Variants in WDR24 observed in about 807,000 individuals in gnomAD.
WDR24 encodes WD repeat domain 24, also known as GATOR2 complex protein WDR24.
A neutral mutation model predicts 66.7 loss-of-function variants in WDR24; 32 were observed. The ratio of observed to expected loss-of-function variants is 0.48; its 90% CI spans 0.36 to 0.64. WDR24 has a LOEUF of 0.64. WDR24 is among the 30% of genes least tolerant of loss of function. WDR24 has a pLI of 0.00. For missense variants in WDR24, 978 were observed against 1,144.1 expected (o/e 0.85, Z 2.09); for synonymous variants, 565 against 469.1 (o/e 1.20, Z -2.64).
At position 685,242 on chromosome 16, in the gene WDR24, C is replaced by T. The variant is rs371024925; in HGVS notation, c.2019+15G>A. The T allele has an allele frequency of 1.3e-6, 2 of 1,593,778 alleles. No individual in the cohort carries two copies. Among genetic ancestry groups the T allele is most frequent in the Admixed American group, 1.7e-5 (1 of 59,668 alleles). ...GGGGCGGCGCTGCAGGGGGGAGGCC[C>T]CGCCCACCACACACCTGGGTCTGCT... is the stretch of plus-strand genomic sequence containing the variant. On this transcript the variant is annotated intron_variant, in intron 7 of 8. Coordinates refer to ENST00000293883, the MANE Select transcript of WDR24 (RefSeq NM_032259.4).
chr16:689,896 C>G lies in WDR24; in HGVS notation c.-256G>C. 1.4e-6 allele frequency: 1 copy of G among 692,362 alleles called. No homozygotes were observed. Among genetic ancestry groups the G allele is most frequent in the Admixed American group, 2.0e-5 (1 of 49,184 alleles). The allele number at this position is 692,362 out of a possible 1,614,324, so 42.9% of individuals were successfully genotyped here. On this transcript the variant is annotated 5_prime_UTR_variant, in exon 1 of 9. Transcript: ENST00000293883. The stretch of plus-strand genomic sequence containing the variant: ...GAGCGGTGAGGGGACTTCCTAGCTT[C>G]CCTTAGGCCTGTCAGTTTCATGTCT...
Position 687,881 on chromosome 16 carries a change from T to C in WDR24, c.482-142A>G, listed in dbSNP as rs1028383286. 3.5e-6 allele frequency: 4 copies of C among 1,156,008 alleles called. No individual in the cohort carries two copies. In the African/African-American group the frequency reaches 6.1e-5, roughly 18 times the overall value. 71.6% of individuals were successfully genotyped at this position (1,156,008 alleles called of 1,614,324 possible). On this transcript the variant is annotated intron_variant, in intron 1 of 8. Coordinates refer to ENST00000293883, the MANE Select transcript of WDR24 (RefSeq NM_032259.4). ...GGGTAGAGTGGACATCCCCAAGATCTGCCCAAGGAAGCAGCCACACAGAGT... is the reference window on the plus strand; with the variant it reads ...GGGTAGAGTGGACATCCCCAAGATCCGCCCAAGGAAGCAGCCACACAGAGT...
chr16:689,823 C>A lies in WDR24; in HGVS notation c.-183G>T. On this transcript the variant is annotated 5_prime_UTR_variant, in exon 1 of 9. Transcript: ENST00000293883. ...TCTATCAGCCAATCAGCCTGACAGG[C>A]AAGCTCAAATTCACTGGAGTCTGTC... 1 of 990,340 alleles carries A rather than the reference C, an allele frequency of 1.0e-6. No individual in the cohort carries two copies. Among genetic ancestry groups the A allele is most frequent in the South Asian group, 1.4e-5 (1 of 69,682 alleles). The allele number at this position is 990,340 out of a possible 1,614,324, so 61.3% of individuals were successfully genotyped here.
chr16:686,192 G>A lies in WDR24; in HGVS notation c.1333-6C>T, dbSNP rs371446007. The A allele has an allele frequency of 7.4e-6, 12 of 1,611,868 alleles. No individual in the cohort carries two copies. The African/African-American group carries it at 1.6e-4, about 22-fold the overall frequency. On this transcript the variant is annotated splice_region_variant and splice_polypyrimidine_tract_variant and intron_variant, in intron 3 of 8. Coordinates refer to ENST00000293883, the MANE Select transcript of WDR24 (RefSeq NM_032259.4). ...ATGGTCCACGTTTGCGCCACCTAGG[G>A]GCGGGCACTGGTCACTTGTGGGCGT...
chr16:684,776 G>T lies in WDR24; in HGVS notation c.2331C>A (p.Ser777=). The T allele has an allele frequency of 6.3e-7, 1 of 1,599,510 alleles. No homozygotes were observed. Among genetic ancestry groups the T allele is most frequent in the African/African-American group, 1.3e-5 (1 of 74,672 alleles). ...GGTGGCCGCAGCCTGCGGGACAGTG[G>T]GAGCTGCCTTCCAGCCACTTCATGA... ...QHIMKWLEGS[S]HCPAGCGHLC... The change falls in exon 9 of 9, where the codon TCC becomes TCA. Residue 777 remains serine, a synonymous_variant. Coordinates refer to ENST00000293883, the MANE Select transcript of WDR24 (RefSeq NM_032259.4).
At position 687,495 on chromosome 16, in the gene WDR24, T is replaced by C. The variant is rs1371091740; in HGVS notation, c.659+67A>G. ...ACCCCCCCGCTCTGCTGCTCCGGAC[T>C]GTCTCATGGATCTGAGGCAGTGAGA... On this transcript the variant is annotated intron_variant, in intron 2 of 8. Coordinates refer to ENST00000293883, the MANE Select transcript of WDR24 (RefSeq NM_032259.4). The C allele has an allele frequency of 3.8e-6, 6 of 1,590,456 alleles. No individual in the cohort carries two copies. The African/African-American group carries it at 8.0e-5, about 21-fold the overall frequency.
rs771791080 is a variant in WDR24 at position 685,826 on chromosome 16, C to A, written c.1573+43G>T. ...GGGCATTCAGGGTCGTCTGGGACAC[C>A]CCCACCCCTCTCCCATCAGCACCCC... On this transcript the variant is annotated intron_variant, in intron 5 of 8. Coordinates refer to ENST00000293883, the MANE Select transcript of WDR24 (RefSeq NM_032259.4). The A allele has an allele frequency of 3.7e-6, 6 of 1,612,858 alleles. No homozygotes were observed. The Admixed American group carries it at 8.3e-5, about 22-fold the overall frequency.
At chr16:685,828 C>T in intron 5 of WDR24, 41 bp downstream of exon 5, 5 of 1,612,966 alleles carry the variant, frequency 3.1e-6, no homozygotes, top group Non-Finnish European at 4.2e-6. Context: ...TGGGACACCC[C>T]CACCCCTCTC....
chr16:689,763 G>T lies in WDR24; in HGVS notation c.-123C>A. On this transcript the variant is annotated 5_prime_UTR_variant, in exon 1 of 9. Coordinates refer to ENST00000293883, the MANE Select transcript of WDR24 (RefSeq NM_032259.4). ...TGGGACCCCAGAACTGCTTGGTCCC[G>T]GGCTGGTCAGTCTTAGTGAGCCAAT... The T allele has an allele frequency of 6.9e-7, 1 of 1,454,322 alleles. No individual in the cohort carries two copies. The allele number at this position is 1,454,322 out of a possible 1,614,324, so 90.1% of individuals were successfully genotyped here.
chr16:689,624 C>T lies in WDR24; in HGVS notation c.17G>A (p.Arg6His), dbSNP rs771356476. Residue 6 changes from arginine (R) to histidine (H), a missense_variant, in exon 1 of 9, where the codon CGT (arginine) becomes CAT (histidine). Coordinates refer to ENST00000293883, the MANE Select transcript of WDR24 (RefSeq NM_032259.4). The stretch of plus-strand genomic sequence containing the variant: ...GCTGCCACCCAGGGCTGTGGTCACA[C>T]GGGACATCTTCTCCATGGCTGCACA... MEKMS[R>H]VTTALGGSVL... 7 of 1,612,280 alleles carry T rather than the reference C, an allele frequency of 4.3e-6. No homozygotes were observed. Among genetic ancestry groups the T allele is most frequent in the Non-Finnish European group, 5.9e-6 (7 of 1,179,664 alleles).
At chr16:687,459 G>A (rs1180911994) in intron 2 of WDR24, 43 bp from the exon 3 acceptor site, 3 of 1,570,712 alleles carry the variant, frequency 1.9e-6, no homozygotes, top group Non-Finnish European at 2.6e-6. Context: ...GGCCTTTCCT[G>A]CAGAGAGGGG....
chr16:687,673 A>G lies in WDR24; in HGVS notation c.548T>C (p.Phe183Ser). The change falls in exon 2 of 9, where the codon TTT becomes TCT. Residue 183 changes from phenylalanine to serine, a missense_variant. Phe to Ser is a radical substitution (Grantham distance 155). Transcript: ENST00000293883. ...CCAGAGCTGCACATTGCCGTTCTCAAAGGTGGAGGCGAAGGTGAAGTAGTC... is the reference window on the plus strand; with the variant it reads ...CCAGAGCTGCACATTGCCGTTCTCAGAGGTGGAGGCGAAGGTGAAGTAGTC... The part of the protein sequence containing the change: ...IRDYFTFAST[F>S]ENGNVQLWDI... The G allele has an allele frequency of 6.2e-7, 1 of 1,613,654 alleles. No homozygotes were observed.
intron 8 of WDR24, 37 bp downstream of exon 8, chr16:684,955 C>T (rs375979254): frequency 1.7e-5 from 26 of 1,536,754 alleles, no homozygotes; most frequent in Non-Finnish European, 2.0e-5. Context: ...GCGCTGCCTG[C>T]AGGCCCCTGC....
In WDR24 at chr16:690,349, A is replaced by C. The variant is rs983047541; in HGVS notation, c.-709T>G. 1 of 456,460 alleles carries C rather than the reference A, an allele frequency of 2.2e-6. No homozygotes were observed. Among genetic ancestry groups the C allele is most frequent in the Middle Eastern group, 3.2e-4 (1 of 3,094 alleles). 28.3% of individuals were successfully genotyped at this position (456,460 alleles called of 1,614,324 possible). ...AGCCCTTCTCCCCCGCGCGAACCCCAATCTTTTACTAAAAGCGCACGGTTG... is the reference window on the plus strand; with the variant it reads ...AGCCCTTCTCCCCCGCGCGAACCCCCATCTTTTACTAAAAGCGCACGGTTG... On this transcript the variant is annotated 5_prime_UTR_variant, in exon 1 of 9. It adds an upstream start codon to the 5' untranslated region. Transcript: ENST00000293883.
At chr16:687,452 C>G (rs746250206) in intron 2 of WDR24, 36 bp from the exon 3 acceptor site, 3 of 1,570,866 alleles carry the variant, frequency 1.9e-6, no homozygotes, top group East Asian at 4.5e-5. Flanking sequence ...CCTCAGTGGC[C>G]TTTCCTGCAG....
Position 687,299 on chromosome 16 carries a change from C to T in WDR24, c.777G>A (p.Trp259Ter), listed in dbSNP as rs1567294106. ...QTIASVARVK[W>*]RPECRHHLAT... ...CCAGGTGGTGGCGGCACTCTGGCCG[C>T]CACTTCACACGGGCCACCGAGGCGA... Residue 259 changes from tryptophan (W) to a stop codon, truncating the protein, a stop_gained, in exon 3 of 9, where the codon TGG (tryptophan) becomes TGA (stop). Transcript: ENST00000293883. LOFTEE classifies it high-confidence loss of function. 39 of 1,611,358 alleles carry T rather than the reference C, an allele frequency of 2.4e-5. No individual in the cohort carries two copies. The highest frequency in any genetic ancestry group is 3.3e-5 in the Non-Finnish European group (39 of 1,179,772).
chr16:685,321 A>G lies in WDR24; in HGVS notation c.1955T>C (p.Met652Thr). The change falls in exon 7 of 9, where the codon ATG (methionine) becomes ACG (threonine). Residue 652 changes from methionine (M) to threonine (T), a missense_variant. By Grantham distance (81) the Met-to-Thr change is moderately conservative (BLOSUM62 -1). This residue lies in a region of WDR24 where 676 missense variants were observed against 617.5 expected (regional missense o/e 1.09). Coordinates refer to ENST00000293883, the MANE Select transcript of WDR24 (RefSeq NM_032259.4). Reference sequence around the variant, plus strand: ...CAGGACGATGAGCACAGACACAGCCATCTGCACGTCGCCCTGCTCAGCGTA... The same window carrying G: ...CAGGACGATGAGCACAGACACAGCCGTCTGCACGTCGCCCTGCTCAGCGTA... Reference protein sequence around the residue: ...HFYAEQGDVQMAVSVLIVLGE... With the variant: ...HFYAEQGDVQTAVSVLIVLGE... The G allele has an allele frequency of 1.9e-6, 3 of 1,606,880 alleles. No homozygotes were observed. Among genetic ancestry groups the G allele is most frequent in the Non-Finnish European group, 2.5e-6 (3 of 1,178,382 alleles).
chr16:689,110 G>A (rs1234281276), intron 1 of WDR24, 50 bp downstream of exon 1: 13 of 1,598,298 alleles, frequency 8.1e-6, no homozygotes, highest in Non-Finnish European at 1.0e-5. Context: ...TGGACAGGCT[G>A]GGCACCGGCA....
In WDR24 at chr16:685,432, G is replaced by A. The variant is rs761082459; in HGVS notation, c.1844C>T (p.Ser615Leu). ...ASLAPVDSSFSLLSVSHALYD... is the reference protein window; with the variant it reads ...ASLAPVDSSFLLLSVSHALYD... ...GAGCGCGTGTGAGACAGACAGGAGC[G>A]AGAAGGAGGAGTCCACGGGGGCCAG... The change falls in exon 7 of 9, where the codon TCG becomes TTG. Residue 615 changes from serine to leucine, a missense_variant. Physicochemically the swap from Ser to Leu is moderately radical, Grantham distance 145. Coordinates refer to ENST00000293883, the MANE Select transcript of WDR24 (RefSeq NM_032259.4). The A allele has an allele frequency of 1.2e-6, 2 of 1,610,414 alleles. No homozygotes were observed. The highest frequency in any genetic ancestry group is 2.7e-5 in the African/African-American group (2 of 74,906).
Sources: allele counts gnomAD v4.1 joint callset, GRCh38; gene constraint gnomAD v4.1.1; regional missense constraint gnomAD v4.1.1; transcripts MANE v1.5; gene names NCBI Gene and HGNC (gene_info 2026-07-23, HGNC 2026-07-21).